ENPP4: variants seen among roughly 807,000 people sequenced by gnomAD.
The protein encoded by ENPP4 is ectonucleotide pyrophosphatase/phosphodiesterase 4.
In ENPP4, 18 loss-of-function variants were observed where a neutral mutation model predicts 33.4. The observed-to-expected ratio is 0.54, with a 90% CI of 0.37 to 0.80. The LOEUF is 0.80. Ranked by LOEUF, ENPP4 falls within the 30% of genes least tolerant of loss-of-function variation. The pLI, the probability that ENPP4 is intolerant of heterozygous loss-of-function variation, is 0.00. For missense variants in ENPP4, 480 were observed against 541.7 expected (o/e 0.89, Z 1.13); for synonymous variants, 172 against 189.9 (o/e 0.91, Z 0.78).
intron 1 of ENPP4, among the ~76,000 whole-genome samples, chr6:46,135,608 G>C (rs142750887): frequency 4.0e-5 from 6 of 151,860 alleles, no homozygotes; most frequent in Non-Finnish European, 8.8e-5. Context: ...TCCATTCTCT[G>C]GGTTGTCTTT....
At chr6:46,131,492 A>C (rs1266637803) in intron 1 of ENPP4, among the ~76,000 whole-genome samples, 1 of 151,954 alleles carries the variant, frequency 6.6e-6, no homozygotes, top group African/African-American at 2.4e-5. Flanking sequence ...TGAACTCATC[A>C]TTTTTTATGG....
chr6:46,141,278 G>A, intron 3 of ENPP4, 56 bp downstream of exon 3: 1 of 1,305,016 alleles, frequency 7.7e-7, no homozygotes, highest in East Asian at 2.3e-5. Context: ...CATACCTTGT[G>A]ATACTGTTGT....
At chr6:46,133,053 G>A (rs910283769) in intron 1 of ENPP4, among the ~76,000 whole-genome samples, 5 of 152,178 alleles carry the variant, frequency 3.3e-5, no homozygotes, top group Non-Finnish European at 5.9e-5. Context: ...ATTCTGGGCT[G>A]AGACAATGGG....
intron 1 of ENPP4, among the ~76,000 whole-genome samples, chr6:46,136,969 A>C (rs1465794639): frequency 6.6e-6 from 1 of 151,970 alleles, no homozygotes; most frequent in East Asian, 1.9e-4. Context: ...AGCTCCCTTC[A>C]GTGATTCTTT....
At chr6:46,135,734 A>G (rs1199031093) in intron 1 of ENPP4, among the ~76,000 whole-genome samples, 1 of 151,530 alleles carries the variant, frequency 6.6e-6, no homozygotes, top group Non-Finnish European at 1.5e-5. Context: ...GCTCTGTTGA[A>G]CCCAGGGTTA....
chr6:46,137,194 GATAGGATTGGTTGGGA>G (rs1763989617), intron 1 of ENPP4, among the ~76,000 whole-genome samples: 1 of 151,876 alleles, frequency 6.6e-6, no homozygotes, highest in African/African-American at 2.4e-5. Flanking sequence ...TGTGCAGTGG[GATAGGATTGGTTGGGA>G]ATATAAAATA....
intron 1 of ENPP4, among the ~76,000 whole-genome samples, chr6:46,138,263 T>A (rs1207568906): frequency 1.3e-5 from 2 of 151,864 alleles, no homozygotes; most frequent in African/African-American, 4.8e-5. Flanking sequence ...GCAGCCCCAA[T>A]TTCAGCTGCT....
Position 46,140,205 on chromosome 6 carries a change from A to G in ENPP4, c.622A>G (p.Lys208Glu). The G allele has an allele frequency of 1.2e-6, 2 of 1,612,604 alleles. No homozygotes were observed. Among genetic ancestry groups the G allele is most frequent in the South Asian group, 1.1e-5 (1 of 91,034 alleles). Residue 208 changes from lysine (K) to glutamate (E), a missense_variant, in exon 2 of 4, where the codon AAA becomes GAA. Around this residue, in one of 3 missense-constraint regions of ENPP4, gnomAD observed 227 missense variants for 273.7 expected, o/e 0.83. Transcript: ENST00000321037. ...TAAAGAAAACATGAGCAGAGTGTTG[A>G]AAAAAATAGATGATCTTATCGGTGA... is the stretch of plus-strand genomic sequence containing the variant. Reference protein sequence around the residue: ...EDKENMSRVLKKIDDLIGDLV... With the variant: ...EDKENMSRVLEKIDDLIGDLV...
At position 46,140,490 on chromosome 6, in the gene ENPP4, A is replaced by G. The variant is rs1025847540; in HGVS notation, c.826+81A>G. 8 of 830,534 alleles carry G rather than the reference A, an allele frequency of 9.6e-6. No homozygotes were observed. The African/African-American group carries it at 1.4e-4, about 14-fold the overall frequency. The allele number at this position is 830,534 out of a possible 1,614,324, so 51.4% of individuals were successfully genotyped here. The stretch of plus-strand genomic sequence containing the variant: ...GGGGGTGGGTTGTATAAAAGAATGA[A>G]GCTCTAGCTTTTTGTAGTTTAGAAC... On this transcript the variant is annotated intron_variant, in intron 2 of 3. Transcript: ENST00000321037.
chr6:46,142,343 T>TAA, intron 3 of ENPP4, among the ~76,000 whole-genome samples: 1 of 117,442 alleles, frequency 8.5e-6, no homozygotes, highest in Non-Finnish European at 1.8e-5. Context: ...TGTAATATAA[T>TAA]TATATGTAAT....
At chr6:46,131,212 GGTTA>G (rs759303257) in intron 1 of ENPP4, among the ~76,000 whole-genome samples, 2 of 151,896 alleles carry the variant, frequency 1.3e-5, no homozygotes, top group Non-Finnish European at 2.9e-5. Context: ...ACAATGTGCA[GGTTA>G]GTTACATATG....
At chr6:46,142,010 T>C (rs1764068679) in intron 3 of ENPP4, among the ~76,000 whole-genome samples, 1 of 151,546 alleles carries the variant, frequency 6.6e-6, no homozygotes, top group Non-Finnish European at 1.5e-5. Flanking sequence ...GGTGAAACTC[T>C]GTTTACAAAA....
chr6:46,136,182 G>A (rs2127492166), intron 1 of ENPP4, among the ~76,000 whole-genome samples: 1 of 152,080 alleles, frequency 6.6e-6, no homozygotes, highest in Middle Eastern at 3.4e-3. Flanking sequence ...AAAGTGTAAA[G>A]CCTGTCTTTC....
rs369995576 is a variant in ENPP4 at position 46,143,252 on chromosome 6, T to C, written c.998-24T>C. The C allele has an allele frequency of 7.8e-6, 12 of 1,534,832 alleles. No individual in the cohort carries two copies. The African/African-American group carries it at 1.7e-4, about 21-fold the overall frequency. On this transcript the variant is annotated intron_variant, in intron 3 of 3. Coordinates refer to ENST00000321037, the MANE Select transcript of ENPP4 (RefSeq NM_014936.5). ...TCCTAAAAAGTCTGATCTTATTGACTGATGTTGTTTTGTTCTTTTTCAGTA... is the reference window on the plus strand; with the variant it reads ...TCCTAAAAAGTCTGATCTTATTGACCGATGTTGTTTTGTTCTTTTTCAGTA...
chr6:46,140,445 G>C (rs771398644), intron 2 of ENPP4, 36 bp downstream of exon 2: 164 of 1,293,758 alleles, frequency 1.3e-4, no homozygotes, highest in Non-Finnish European at 1.7e-4. Context: ...ACTATTATTC[G>C]AATGGGGCAA....
At chr6:46,131,998 T>C (rs1467833181) in intron 1 of ENPP4, among the ~76,000 whole-genome samples, 1 of 152,002 alleles carries the variant, frequency 6.6e-6, no homozygotes, top group African/African-American at 2.4e-5. Context: ...CACTTTTTGA[T>C]GGGGTTGTTT....
At chr6:46,132,747 T>G (rs1763919630) in intron 1 of ENPP4, among the ~76,000 whole-genome samples, 1 of 152,196 alleles carries the variant, frequency 6.6e-6, no homozygotes, top group South Asian at 2.1e-4. Context: ...CCTTGGGCAT[T>G]ATGGCCATTT....
At chr6:46,132,665 A>G (rs1023557624) in intron 1 of ENPP4, among the ~76,000 whole-genome samples, 1 of 152,110 alleles carries the variant, frequency 6.6e-6, no homozygotes, top group Non-Finnish European at 1.5e-5. Context: ...TATGAACTTT[A>G]AAGTAGTTTT....
chr6:46,139,618 T>G lies in ENPP4; in HGVS notation c.35T>G (p.Leu12Arg). 1 of 1,607,404 alleles carries G rather than the reference T, an allele frequency of 6.2e-7. No homozygotes were observed. The highest frequency in any genetic ancestry group is 8.5e-7 in the Non-Finnish European group (1 of 1,174,822). ...KLLVILLFSG[L>R]ITGFRSDSSS... is the part of the protein sequence containing the mutation. Reference sequence around the variant, plus strand: ...TTAGTAATACTTTTGTTTTCTGGACTTATAACTGGTTTTAGAAGTGACTCT... The same window carrying G: ...TTAGTAATACTTTTGTTTTCTGGACGTATAACTGGTTTTAGAAGTGACTCT... Residue 12 changes from leucine to arginine, a missense_variant, in exon 2 of 4, where the codon CTT (leucine) becomes CGT (arginine). By Grantham distance (102) the Leu-to-Arg change is moderately radical. This residue lies in a region of ENPP4 where 227 missense variants were observed against 273.7 expected (regional missense o/e 0.83). Transcript: ENST00000321037.
Sources: allele counts gnomAD v4.1 joint callset (sites outside exome capture counted in the v4.1 genomes callset), GRCh38; gene constraint gnomAD v4.1.1; regional missense constraint gnomAD v4.1.1; transcripts MANE v1.5; gene names NCBI Gene and HGNC (gene_info 2026-07-23, HGNC 2026-07-21).